Variants in SRD5A2 observed in about 807,000 individuals in gnomAD.
SRD5A2 encodes 3-oxo-5-alpha-steroid 4-dehydrogenase 2.
SRD5A2 carries 30 observed loss-of-function variants against 27.4 expected under a neutral mutation model. The ratio of observed to expected loss-of-function variants is 1.10; its 90% confidence interval spans 0.82 to 1.49. The LOEUF (loss-of-function observed/expected upper bound fraction) is 1.49. Ranked by LOEUF, SRD5A2 falls within the 40% of genes most tolerant of loss-of-function variation. SRD5A2 has a pLI of 0.00. For missense variants in SRD5A2, 348 were observed against 323.4 expected (o/e 1.08, Z -0.58); for synonymous variants, 141 against 133.6 (o/e 1.06, Z -0.38).
chr2:31,633,584 C>T, the SRD5A2 span, among the ~76,000 whole-genome samples: 1 of 151,910 alleles, frequency 6.6e-6, no homozygotes, highest in Admixed American at 6.5e-5. Flanking sequence ...CCTGGACCGG[C>T]CTGCTATTCC....
chr2:31,552,247 T>C (rs1666395253), intron 1 of SRD5A2, among the ~76,000 whole-genome samples: 1 of 149,264 alleles, frequency 6.7e-6, no homozygotes, highest in Non-Finnish European at 1.5e-5. Flanking sequence ...AACAGCCACA[T>C]TAAAACAAAT....
At chr2:31,544,883 A>G (rs1666212519) in intron 1 of SRD5A2, among the ~76,000 whole-genome samples, 1 of 151,952 alleles carries the variant, frequency 6.6e-6, no homozygotes, top group Admixed American at 6.5e-5. Flanking sequence ...TACTTATTCT[A>G]TGGGAATAAA....
chr2:31,622,366 C>T, the SRD5A2 span, among the ~76,000 whole-genome samples: 2 of 152,016 alleles, frequency 1.3e-5, no homozygotes, highest in African/African-American at 4.8e-5. Flanking sequence ...TTTATTCAAT[C>T]TATAATTGAT....
the SRD5A2 span, among the ~76,000 whole-genome samples, chr2:31,631,655 T>G: frequency 1.3e-5 from 2 of 152,180 alleles, no homozygotes; most frequent in African/African-American, 4.8e-5. Flanking sequence ...AGACAGTCCT[T>G]TGATCTGACA....
intron 1 of SRD5A2, among the ~76,000 whole-genome samples, chr2:31,547,762 C>T (rs1572640205): frequency 6.6e-6 from 1 of 152,122 alleles, no homozygotes; most frequent in Non-Finnish European, 1.5e-5. Flanking sequence ...CCTGGCACTC[C>T]AGCTTACAGA....
At chr2:31,623,463 G>T in the SRD5A2 span, among the ~76,000 whole-genome samples, 4 of 152,028 alleles carry the variant, frequency 2.6e-5, no homozygotes, top group Non-Finnish European at 5.9e-5. Flanking sequence ...CTCAGCCTCA[G>T]CCCAGTTCTG....
chr2:31,532,887 G>A (rs567872508), intron 2 of SRD5A2, among the ~76,000 whole-genome samples: 15 of 152,094 alleles, frequency 9.9e-5, no homozygotes, highest in African/African-American at 3.4e-4. Flanking sequence ...CTTTGAGGAG[G>A]TGCAAATTGG....
chr2:31,596,268 G>T, the SRD5A2 span, among the ~76,000 whole-genome samples: 1 of 151,460 alleles, frequency 6.6e-6, no homozygotes, highest in South Asian at 2.1e-4. Context: ...GGCAGCTGTA[G>T]TCCCAGCCAC....
intron 1 of SRD5A2, among the ~76,000 whole-genome samples, chr2:31,571,658 TTAAAC>T (rs1248803318): frequency 6.6e-6 from 1 of 152,054 alleles, no homozygotes; most frequent in Non-Finnish European, 1.5e-5. Context: ...TATAAGGAAT[TTAAAC>T]TAATTTACAA....
At chr2:31,613,117 C>A in the SRD5A2 span, among the ~76,000 whole-genome samples, 13 of 152,130 alleles carry the variant, frequency 8.5e-5, no homozygotes, top group African/African-American at 2.9e-4. Flanking sequence ...TTAATGACTT[C>A]TTGGATAGGA....
chr2:31,655,814 C>A, the SRD5A2 span, among the ~76,000 whole-genome samples: 1 of 152,144 alleles, frequency 6.6e-6, no homozygotes, highest in Non-Finnish European at 1.5e-5. Flanking sequence ...CAGCTTCCCC[C>A]ACTCCACTGG....
chr2:31,640,494 T>C, the SRD5A2 span, among the ~76,000 whole-genome samples: 3 of 152,212 alleles, frequency 2.0e-5, no homozygotes, highest in East Asian at 5.8e-4. Flanking sequence ...TTTAGTATAT[T>C]TGCTTAGTAA....
the SRD5A2 span, among the ~76,000 whole-genome samples, chr2:31,628,990 T>C: frequency 1.3e-5 from 2 of 152,176 alleles, no homozygotes; most frequent in Non-Finnish European, 2.9e-5. Flanking sequence ...TTATATAGTG[T>C]TCTTAAATGT....
chr2:31,639,634 AT>A, the SRD5A2 span, among the ~76,000 whole-genome samples: 48 of 148,062 alleles, frequency 3.2e-4, no homozygotes, highest in African/African-American at 8.7e-4. Flanking sequence ...CATGGCAGTT[AT>A]TTTTTTTTTC....
the SRD5A2 span, among the ~76,000 whole-genome samples, chr2:31,659,087 T>C: frequency 8.6e-5 from 13 of 151,544 alleles, 1 homozygote; most frequent in Admixed American, 8.5e-4. Flanking sequence ...ATTTATTACA[T>C]AAACAGAACT....
chr2:31,529,470 G>A lies in SRD5A2; in HGVS notation c.548-13C>T, dbSNP rs563086989. On this transcript the variant is annotated splice_polypyrimidine_tract_variant and intron_variant, in intron 3 of 4. Coordinates refer to ENST00000622030, the MANE Select transcript of SRD5A2 (RefSeq NM_000348.4). ...GTAAACAAGCCACCTGCGTGCAGAA[G>A]AATCGGAAGGTCAATCATTGCAACT... The A allele has an allele frequency of 2.7e-4, 437 of 1,609,620 alleles. 3 individuals carry two copies. In the South Asian group the frequency reaches 4.6e-3, roughly 17 times the overall value.
the SRD5A2 span, among the ~76,000 whole-genome samples, chr2:31,600,890 C>T: frequency 2.6e-5 from 4 of 151,798 alleles, no homozygotes; most frequent in Non-Finnish European, 1.5e-5. Context: ...TCCAGGGATG[C>T]AAGGATGGCT....
chr2:31,581,410 T>G (rs1283378740), upstream of SRD5A2, among the ~76,000 whole-genome samples: 1 of 152,040 alleles, frequency 6.6e-6, no homozygotes. Context: ...CCACCCAACA[T>G]AGGACCTTCC....
the SRD5A2 span, among the ~76,000 whole-genome samples, chr2:31,635,125 T>C: frequency 6.6e-6 from 1 of 152,286 alleles, no homozygotes; most frequent in Non-Finnish European, 1.5e-5. Flanking sequence ...CTCCACAGTG[T>C]CTGTACCAAT....
Sources: gnomAD v4.1 joint callset for allele counts (sites outside exome capture counted in the v4.1 genomes callset) on GRCh38, gnomAD v4.1.1 for gene constraint, MANE v1.5 for transcripts, NCBI Gene and HGNC (gene_info 2026-07-23, HGNC 2026-07-21) for gene names.